Variants in HOMER1 observed in about 807,000 individuals in gnomAD.
The protein encoded by HOMER1 is homer scaffold protein 1.
HOMER1 carries 3 observed loss-of-function variants against 48.9 expected under a neutral mutation model. That is an observed-to-expected ratio of 0.06 (90% CI 0.03 to 0.16). The LOEUF (loss-of-function observed/expected upper bound fraction) is 0.16. HOMER1 is among the 10% of genes least tolerant of loss of function. The pLI is 1.00. For missense variants in HOMER1, 247 were observed against 411.4 expected, an observed-to-expected ratio of 0.60 and a Z score of 3.46; for synonymous variants, 134 against 146.4, an observed-to-expected ratio of 0.92 and a Z score of 0.61.
At chr5:79,392,715 T>C (rs1181024232) in intron 8 of HOMER1, among the ~76,000 whole-genome samples, 1 of 152,170 alleles carries the variant, frequency 6.6e-6, no homozygotes, top group Non-Finnish European at 1.5e-5. Context: ...GGTCTTCAAA[T>C]TCACTCACCA....
At chr5:79,491,048 T>C (rs987816775) in intron 1 of HOMER1, among the ~76,000 whole-genome samples, 3 of 112,860 alleles carry the variant, frequency 2.7e-5, no homozygotes, top group African/African-American at 7.0e-5. Context: ...TCCATAAAAT[T>C]ATTTTTGGCC....
intron 1 of HOMER1, among the ~76,000 whole-genome samples, chr5:79,481,264 T>C (rs1751936722): frequency 6.6e-6 from 1 of 152,226 alleles, no homozygotes; most frequent in South Asian, 2.1e-4. Context: ...CAGACATTTA[T>C]GGAGTACCAG....
chr5:79,500,131 C>T (rs1752534617), intron 1 of HOMER1, among the ~76,000 whole-genome samples: 1 of 152,090 alleles, frequency 6.6e-6, no homozygotes, highest in Non-Finnish European at 1.5e-5. Context: ...ATTTGTGAAA[C>T]TATCTCTGTA....
Position 79,513,001 on chromosome 5 carries a change from G to C in HOMER1, c.-227C>G. On this transcript the variant is annotated 5_prime_UTR_variant, in exon 1 of 9. Coordinates refer to ENST00000334082, the MANE Select transcript of HOMER1 (RefSeq NM_004272.5). ...AAACAGAGGCGGCATTTGCTTATTC[G>C]AGTTAAAATGCTTTGCGGAGGAGAC... The C allele has an allele frequency of 1.7e-6, 1 of 581,902 alleles. No individual in the cohort carries two copies. The highest frequency in any genetic ancestry group is 3.1e-6 in the Non-Finnish European group (1 of 326,842). The allele number at this position is 581,902 out of a possible 1,614,324, so 36.0% of individuals were successfully genotyped here. A position where few individuals can be genotyped will look rare whatever the true frequency, so the allele number is the denominator to read the frequency against.
intron 1 of HOMER1, among the ~76,000 whole-genome samples, chr5:79,480,280 A>G (rs1751911231): frequency 6.6e-6 from 1 of 152,012 alleles, no homozygotes; most frequent in Admixed American, 6.6e-5. Context: ...TTGAATTCCT[A>G]TTACATGTAA....
At chr5:79,462,545 G>A (rs547576622) in intron 1 of HOMER1, among the ~76,000 whole-genome samples, 4 of 152,130 alleles carry the variant, frequency 2.6e-5, no homozygotes, top group African/African-American at 9.6e-5. Context: ...TTAAAAACAA[G>A]ACTTACTCAA....
chr5:79,390,537 T>C (rs1385829355), intron 8 of HOMER1, among the ~76,000 whole-genome samples: 1 of 152,072 alleles, frequency 6.6e-6, no homozygotes, highest in Non-Finnish European at 1.5e-5. Flanking sequence ...TAACAATGAA[T>C]TGAGACCAAA....
chr5:79,410,353 T>C (rs1460623885), intron 5 of HOMER1, among the ~76,000 whole-genome samples: 1 of 151,898 alleles, frequency 6.6e-6, no homozygotes, highest in Non-Finnish European at 1.5e-5. Context: ...TAGCTAGGCA[T>C]GGTGGCGCAT....
intron 1 of HOMER1, among the ~76,000 whole-genome samples, chr5:79,493,257 G>T (rs1403674631): frequency 6.6e-6 from 1 of 152,068 alleles, no homozygotes; most frequent in Non-Finnish European, 1.5e-5. Context: ...TGCTCTTCAG[G>T]TACAATAATA....
At chr5:79,493,520 G>C (rs1041944135) in intron 1 of HOMER1, among the ~76,000 whole-genome samples, 6 of 152,152 alleles carry the variant, frequency 3.9e-5, no homozygotes, top group Admixed American at 2.0e-4. Context: ...GGTAATCAAT[G>C]AATGTTTGTT....
chr5:79,495,782 G>C (rs575372350), intron 1 of HOMER1, among the ~76,000 whole-genome samples: 15 of 152,272 alleles, frequency 9.9e-5, no homozygotes, highest in African/African-American at 3.4e-4. Context: ...GAGATTTTTA[G>C]AAAGCCAACA....
intron 5 of HOMER1, among the ~76,000 whole-genome samples, chr5:79,416,580 G>A (rs1047599346): frequency 6.6e-6 from 1 of 152,166 alleles, no homozygotes. Context: ...ATTTCTATGT[G>A]CTGATGGGCA....
chr5:79,483,790 C>T (rs1420200148), intron 1 of HOMER1, among the ~76,000 whole-genome samples: 3 of 147,910 alleles, frequency 2.0e-5, no homozygotes, highest in African/African-American at 5.0e-5. Flanking sequence ...TGTGGTGGCT[C>T]ACGCCGGTAA....
At chr5:79,426,250 T>C (rs915645979) in intron 5 of HOMER1, among the ~76,000 whole-genome samples, 1 of 152,010 alleles carries the variant, frequency 6.6e-6, no homozygotes, top group Non-Finnish European at 1.5e-5. Context: ...TACCATATGA[T>C]CCAGCAATCC....
chr5:79,460,078 G>A (rs566964885), intron 1 of HOMER1, among the ~76,000 whole-genome samples: 1 of 152,078 alleles, frequency 6.6e-6, no homozygotes, highest in South Asian at 2.1e-4. Flanking sequence ...TGGTCTTGAA[G>A]TCTTGGCCTC....
chr5:79,471,976 C>A (rs1166723988), intron 1 of HOMER1, among the ~76,000 whole-genome samples: 1 of 152,196 alleles, frequency 6.6e-6, no homozygotes, highest in Non-Finnish European at 1.5e-5. Flanking sequence ...AAATTGCAGT[C>A]CCTTCCAGGA....
chr5:79,502,982 G>A (rs1580044539), intron 1 of HOMER1, among the ~76,000 whole-genome samples: 1 of 96,864 alleles, frequency 1.0e-5, no homozygotes, highest in Non-Finnish European at 2.3e-5. Flanking sequence ...AGTAGAGACA[G>A]GGTTTCACCG....
At chr5:79,425,414 A>G (rs1750219991) in intron 5 of HOMER1, among the ~76,000 whole-genome samples, 1 of 152,050 alleles carries the variant, frequency 6.6e-6, no homozygotes, top group Admixed American at 6.6e-5. Flanking sequence ...AAGGGAGGAG[A>G]AACTATTTAG....
At chr5:79,418,083 C>T (rs958643209) in intron 5 of HOMER1, among the ~76,000 whole-genome samples, 2 of 152,146 alleles carry the variant, frequency 1.3e-5, no homozygotes, top group Admixed American at 1.3e-4. Flanking sequence ...GATATAACAT[C>T]GAATTATTTA....
Sources: gnomAD v4.1 joint callset for allele counts (sites outside exome capture counted in the v4.1 genomes callset) on GRCh38, gnomAD v4.1.1 for gene constraint, MANE v1.5 for transcripts, NCBI Gene and HGNC (gene_info 2026-07-23, HGNC 2026-07-21) for gene names.